The following SBF2 variants were observed in gnomAD, a reference collection of about 807,000 sequenced individuals.
The protein encoded by SBF2 is SET binding factor 2.
In SBF2, 112 loss-of-function variants were observed where a neutral mutation model predicts 225.2. The ratio of observed to expected loss-of-function variants is 0.50; its 90% CI spans 0.43 to 0.58. SBF2 has a LOEUF of 0.58. Ranked by LOEUF, SBF2 falls within the 20% of genes least tolerant of loss-of-function variation. The pLI is 0.00. For missense variants in SBF2, 1,996 were observed against 2,206.2 expected (o/e 0.90, Z 1.91); for synonymous variants, 763 against 773.3 (o/e 0.99, Z 0.22).
chr11:9,861,189 T>C (rs562714020), intron 17 of SBF2, among the ~76,000 whole-genome samples: 1 of 152,180 alleles, frequency 6.6e-6, no homozygotes, highest in Admixed American at 6.5e-5. Context: ...GTTTAGAATT[T>C]TGGAGCATTT....
At chr11:10,014,472 A>C (rs1948568751) in intron 6 of SBF2, among the ~76,000 whole-genome samples, 2 of 150,262 alleles carry the variant, frequency 1.3e-5, no homozygotes, top group South Asian at 2.1e-4. Flanking sequence ...ATTACACATA[A>C]AAGAGCTTCA....
chr11:10,063,853 A>C (rs536003746), intron 2 of SBF2, among the ~76,000 whole-genome samples: 1 of 145,156 alleles, frequency 6.9e-6, no homozygotes, highest in South Asian at 2.2e-4. Context: ...ACACACACAC[A>C]CACACAGAGA....
chr11:9,980,847 T>G (rs1469273633), intron 13 of SBF2, among the ~76,000 whole-genome samples: 1 of 152,242 alleles, frequency 6.6e-6, no homozygotes, highest in Non-Finnish European at 1.5e-5. Context: ...ATTACAGGCA[T>G]GAGCCACTGC....
chr11:9,896,765 G>C (rs1861294144), intron 16 of SBF2, among the ~76,000 whole-genome samples: 1 of 144,722 alleles, frequency 6.9e-6, no homozygotes. Flanking sequence ...CTCCAGCCTG[G>C]ACAACAGAAT....
chr11:9,868,711 G>A (rs748443232), intron 17 of SBF2, among the ~76,000 whole-genome samples: 21 of 152,088 alleles, frequency 1.4e-4, no homozygotes, highest in Non-Finnish European at 2.6e-4. Flanking sequence ...TGAAGAAACC[G>A]GATCATTTGT....
In SBF2 at chr11:9,780,423, C is replaced by A. The variant is rs767003819; in HGVS notation, c.5545G>T (p.Ala1849Ser). 1 of 1,613,390 alleles carries A rather than the reference C, an allele frequency of 6.2e-7. No individual in the cohort carries two copies. The highest frequency in any genetic ancestry group is 1.1e-5 in the South Asian group (1 of 91,060). ...GCGTGGGTTGACCATGGGCATCAGGCATCAGAGATACAACTCTGGATCTTG... is the reference window on the plus strand; with the variant it reads ...GCGTGGGTTGACCATGGGCATCAGGAATCAGAGATACAACTCTGGATCTTG... The part of the protein sequence containing the change: ...MDKIQSCISD[A>S] Residue 1849 changes from alanine (A) to serine (S), a missense_variant, in exon 40 of 40, where the codon GCC becomes TCC. By Grantham distance (99) the Ala-to-Ser change is moderately conservative. Transcript: ENST00000256190.
chr11:9,819,451 TAACA>T (rs1378030660), intron 28 of SBF2: 1 of 152,098 alleles, frequency 6.6e-6, no homozygotes, highest in African/African-American at 2.4e-5. Context: ...AAGATTTAAT[TAACA>T]AACAAAAAGC....
intron 2 of SBF2, among the ~76,000 whole-genome samples, chr11:10,109,655 A>G (rs961742310): frequency 3.3e-5 from 5 of 152,230 alleles, no homozygotes; most frequent in Admixed American, 1.3e-4. Flanking sequence ...TGTTGCTTCT[A>G]CATGGACTCA....
chr11:9,978,679 A>T (rs951501503), intron 13 of SBF2, among the ~76,000 whole-genome samples: 1 of 152,102 alleles, frequency 6.6e-6, no homozygotes, highest in African/African-American at 2.4e-5. Flanking sequence ...GTCTCACTTT[A>T]TCACCCATGC....
At chr11:9,788,588 ACTT>A (rs749311802) in intron 35 of SBF2, among the ~76,000 whole-genome samples, 5 of 97,684 alleles carry the variant, frequency 5.1e-5, no homozygotes, top group South Asian at 3.1e-4. Flanking sequence ...CTGGAAAATC[ACTT>A]TTTTTTTTTT....
chr11:10,157,965 T>C (rs978211895), intron 2 of SBF2, among the ~76,000 whole-genome samples: 7 of 152,106 alleles, frequency 4.6e-5, no homozygotes, highest in African/African-American at 1.2e-4. Context: ...AACAAATTTA[T>C]GAAAACTGAA....
chr11:9,914,711 T>C (rs975833178), intron 16 of SBF2, among the ~76,000 whole-genome samples: 2 of 152,044 alleles, frequency 1.3e-5, no homozygotes, highest in Non-Finnish European at 2.9e-5. Context: ...AATCAAAATT[T>C]TCTGTTCTGT....
At chr11:9,831,746 T>C (rs1302648216) in intron 27 of SBF2, among the ~76,000 whole-genome samples, 1 of 152,234 alleles carries the variant, frequency 6.6e-6, no homozygotes, top group Non-Finnish European at 1.5e-5. Flanking sequence ...GCTTGAAAGA[T>C]CCTGAAGCAG....
chr11:9,799,959 C>T (rs956425540), intron 32 of SBF2, among the ~76,000 whole-genome samples: 1 of 152,124 alleles, frequency 6.6e-6, no homozygotes, highest in Non-Finnish European at 1.5e-5. Flanking sequence ...AGCTGTTGGC[C>T]GGGCATAGTG....
intron 7 of SBF2, among the ~76,000 whole-genome samples, chr11:10,002,188 C>T (rs1186432263): frequency 6.6e-6 from 1 of 152,098 alleles, no homozygotes; most frequent in African/African-American, 2.4e-5. Flanking sequence ...CCATATAATA[C>T]ACTTCAGTGG....
At chr11:9,864,845 T>C (rs1399652560) in intron 17 of SBF2, among the ~76,000 whole-genome samples, 1 of 152,196 alleles carries the variant, frequency 6.6e-6, no homozygotes, top group African/African-American at 2.4e-5. Context: ...TTGCCTGGGT[T>C]TGGTGGTCTC....
chr11:10,217,140 A>G (rs923680970), intron 1 of SBF2, among the ~76,000 whole-genome samples: 3 of 152,214 alleles, frequency 2.0e-5, no homozygotes, highest in Admixed American at 2.0e-4. Flanking sequence ...AAATATTAAC[A>G]TAGCAAACAG....
At chr11:10,294,246 T>TCCTCCCCCGCC (rs1964371284), upstream of SBF2, 2 of 431,528 alleles carry the variant, frequency 4.6e-6, no homozygotes, top group Non-Finnish European at 7.6e-6. Flanking sequence ...TAGTGCCCGC[T>TCCTCCCCCGCC]CCTCCCCCGC....
chr11:9,798,678 G>A (rs749940504), intron 32 of SBF2, among the ~76,000 whole-genome samples: 4 of 152,182 alleles, frequency 2.6e-5, no homozygotes, highest in Admixed American at 6.5e-5. Context: ...CAGGCGTGGT[G>A]GCTCACGCCT....
Sources: allele counts gnomAD v4.1 joint callset (sites outside exome capture counted in the v4.1 genomes callset), GRCh38; gene constraint gnomAD v4.1.1; transcripts MANE v1.5; gene names NCBI Gene and HGNC (gene_info 2026-07-23, HGNC 2026-07-21).